The following SMAP1 variants were observed in gnomAD, a reference collection of about 807,000 sequenced individuals.
SMAP1 encodes the protein stromal membrane-associated protein 1.
A neutral mutation model predicts 58.5 loss-of-function variants in SMAP1; 24 were observed. That is an observed-to-expected ratio of 0.41 (90% confidence interval 0.30 to 0.58). The LOEUF is 0.58. SMAP1 is among the 20% of genes least tolerant of loss of function. SMAP1 has a pLI of 0.29. For synonymous variants in SMAP1, 216 were observed against 196.6 expected (o/e 1.10, Z -0.82); for missense variants, 563 against 566.3 (o/e 0.99, Z 0.06).
chr6:70,780,271 A>C (rs1371201146), intron 4 of SMAP1, among the ~76,000 whole-genome samples: 1 of 152,074 alleles, frequency 6.6e-6, no homozygotes, highest in Non-Finnish European at 1.5e-5. Context: ...ATTTGACAAC[A>C]GTTTGCAGAA....
At chr6:70,711,962 T>C (rs764081663) in intron 1 of SMAP1, among the ~76,000 whole-genome samples, 2 of 152,226 alleles carry the variant, frequency 1.3e-5, no homozygotes, top group African/African-American at 4.8e-5. Flanking sequence ...TTTCCAATTC[T>C]GTGTTCAATA....
chr6:70,819,154 A>G (rs944759438), intron 6 of SMAP1, among the ~76,000 whole-genome samples: 1 of 152,086 alleles, frequency 6.6e-6, no homozygotes, highest in African/African-American at 2.4e-5. Context: ...CACTTAGCAT[A>G]GTCTTTTCAA....
chr6:70,780,559 C>T (rs1310548886), intron 4 of SMAP1, among the ~76,000 whole-genome samples: 1 of 152,142 alleles, frequency 6.6e-6, no homozygotes, highest in African/African-American at 2.4e-5. Flanking sequence ...ACTACCTGGG[C>T]AACAGACTTA....
chr6:70,850,032 GT>G (rs1472042986), intron 7 of SMAP1, among the ~76,000 whole-genome samples: 3 of 152,182 alleles, frequency 2.0e-5, no homozygotes, highest in Non-Finnish European at 4.4e-5. Flanking sequence ...GCTGTGTGTT[GT>G]TTTACGGATT....
rs1232244319 is a variant in SMAP1, at chr6:70,860,666, A to ATGTT, written c.*333_*336dup. The ATGTT allele has an allele frequency of 1.4e-5, 6 of 417,418 alleles. No homozygotes were observed. The highest frequency in any genetic ancestry group is 2.1e-5 in the Non-Finnish European group (5 of 236,782). The allele number at this position is 417,418 out of a possible 1,614,324, so 25.9% of individuals were successfully genotyped here. On this transcript the variant is annotated 3_prime_UTR_variant, in exon 11 of 11. Transcript: ENST00000370455. ...TTTGCATATAAGGGAAGTAGTTATCATGTTAGTAATACCTCTAATAGTATA... is the reference window on the plus strand; with the variant it reads ...TTTGCATATAAGGGAAGTAGTTATCATGTTTGTTAGTAATACCTCTAATAGTATA...
intron 1 of SMAP1, among the ~76,000 whole-genome samples, chr6:70,680,454 C>T (rs1278265640): frequency 6.6e-6 from 1 of 152,088 alleles, no homozygotes. Context: ...AGAAATAATG[C>T]AACTTAATAA....
intron 6 of SMAP1, among the ~76,000 whole-genome samples, chr6:70,819,741 A>T (rs1370631568): frequency 6.6e-6 from 1 of 152,236 alleles, no homozygotes; most frequent in Non-Finnish European, 1.5e-5. Context: ...GCATAAGAAC[A>T]GTGTTATTTC....
At position 70,756,604 on chromosome 6, in the gene SMAP1, C is replaced by A. The variant is rs58774235; in HGVS notation, c.338+1539C>A. Among the ~76,000 whole-genome samples, 562 of 152,050 alleles carry A rather than the reference C, an allele frequency of 3.7e-3. 4 individuals are homozygous for A. The highest frequency in any genetic ancestry group is 0.013 in the African/African-American group (528 of 41,504). ...TTGGAAGGTATTTTGGTCCAAATTG[C>A]GAAGGGTTTTCAGTATGATGTAGAG... On this transcript the variant is annotated intron_variant, in intron 3 of 10. Transcript: ENST00000370455.
intron 6 of SMAP1, among the ~76,000 whole-genome samples, chr6:70,832,883 A>G (rs774102163): frequency 2.0e-5 from 3 of 152,210 alleles, no homozygotes; most frequent in Non-Finnish European, 2.9e-5. Flanking sequence ...TACATTTCCA[A>G]CATGTGAATT....
At chr6:70,726,874 G>GGTGTGTGTGTGT (rs35977042) in intron 1 of SMAP1, among the ~76,000 whole-genome samples, 2 of 144,808 alleles carry the variant, frequency 1.4e-5, no homozygotes, top group Non-Finnish European at 3.0e-5. Flanking sequence ...AAATTTTAGG[G>GGTGTGTGTGTGT]GTGTGTGTGT....
chr6:70,786,200 A>G (rs972662032), intron 4 of SMAP1, among the ~76,000 whole-genome samples: 18 of 150,558 alleles, frequency 1.2e-4, no homozygotes, highest in African/African-American at 4.1e-4. Context: ...AAAGACAAAA[A>G]CCACATGATT....
chr6:70,763,734 C>T (rs1766850241), intron 3 of SMAP1, among the ~76,000 whole-genome samples: 1 of 152,108 alleles, frequency 6.6e-6, no homozygotes, highest in Admixed American at 6.5e-5. Flanking sequence ...AGCCTTTTTG[C>T]TGATATGGAG....
intron 1 of SMAP1, among the ~76,000 whole-genome samples, chr6:70,685,316 A>G (rs1766892175): frequency 6.7e-6 from 1 of 150,156 alleles, no homozygotes; most frequent in Non-Finnish European, 1.5e-5. Flanking sequence ...TTATCTGCTG[A>G]TTCACTAGAG....
chr6:70,753,776 C>CCCT (rs1435803210), intron 2 of SMAP1, among the ~76,000 whole-genome samples: 6 of 152,008 alleles, frequency 3.9e-5, no homozygotes, highest in Admixed American at 1.3e-4. Context: ...TAAAGCCCGC[C>CCCT]CCTTTAATCC....
chr6:70,738,940 G>A (rs1442144430), intron 2 of SMAP1, among the ~76,000 whole-genome samples: 2 of 152,178 alleles, frequency 1.3e-5, no homozygotes, highest in African/African-American at 4.8e-5. Flanking sequence ...TTCAAGTAAA[G>A]TTGGAATAAA....
At chr6:70,751,369 T>TA (rs1176244490) in intron 2 of SMAP1, among the ~76,000 whole-genome samples, 3 of 152,252 alleles carry the variant, frequency 2.0e-5, no homozygotes, top group Non-Finnish European at 2.9e-5. Context: ...AATAGATTCT[T>TA]ACAATCATTT....
intron 8 of SMAP1, among the ~76,000 whole-genome samples, chr6:70,852,965 T>A (rs1374196205): frequency 6.6e-6 from 1 of 152,216 alleles, no homozygotes; most frequent in Non-Finnish European, 1.5e-5. Flanking sequence ...TCACTGTCTT[T>A]AAAGTTCTAA....
intron 3 of SMAP1, among the ~76,000 whole-genome samples, chr6:70,764,509 C>A (rs1766880137): frequency 6.6e-6 from 1 of 152,192 alleles, no homozygotes; most frequent in Admixed American, 6.5e-5. Context: ...TTTTGAAAAT[C>A]CTACGGCCCT....
At chr6:70,843,040 G>A (rs551733219) in intron 7 of SMAP1, among the ~76,000 whole-genome samples, 2 of 152,238 alleles carry the variant, frequency 1.3e-5, no homozygotes, top group Non-Finnish European at 2.9e-5. Context: ...GGTAGGCTGT[G>A]CCAGCAAGAA....
Sources: gnomAD v4.1 joint callset for allele counts (sites outside exome capture counted in the v4.1 genomes callset) on GRCh38, gnomAD v4.1.1 for gene constraint, MANE v1.5 for transcripts, NCBI Gene and HGNC (gene_info 2026-07-23, HGNC 2026-07-21) for gene names.